GET1: variants seen among roughly 807,000 people sequenced by gnomAD.
GET1 encodes the protein congenital heart disease 5 protein.
Under a neutral mutation model 22.6 loss-of-function variants are expected in GET1, and 20 were observed. The ratio of observed to expected loss-of-function variants is 0.89; its 90% CI spans 0.62 to 1.29. The LOEUF (loss-of-function observed/expected upper bound fraction) is 1.29, where lower values mean the gene tolerates loss of function less well. GET1 is among the 50% of genes most tolerant of loss of function. GET1 has a pLI of 0.00. For synonymous variants in GET1, 92 were observed against 83.8 expected (o/e 1.10, Z -0.53); for missense variants, 209 against 219.9 (o/e 0.95, Z 0.31).
At chr21:39,423,629 G>A (rs1274518149) in intron 1 of GET1, 1 of 628,150 alleles carries the variant, frequency 1.6e-6, no homozygotes, top group Non-Finnish European at 2.5e-6. Context: ...ACTAGAAGGG[G>A]ACAAAACTAT....
chr21:39,418,055 C>CATGCCTGGCCAGAAATGGTTTTTTAATG (rs1569086130), intron 1 of GET1, among the ~76,000 whole-genome samples: 3 of 152,304 alleles, frequency 2.0e-5, no homozygotes, highest in East Asian at 3.9e-4. Context: ...CGTGAGCCAC[C>CATGCCTGGCCAGAAATGGTTTTTTAATG]GCGCCCAGCG....
chr21:39,426,214 G>T (rs1304685204), intron 1 of GET1, among the ~76,000 whole-genome samples: 1 of 152,066 alleles, frequency 6.6e-6, no homozygotes, highest in Non-Finnish European at 1.5e-5. Flanking sequence ...CTTCAGAAAG[G>T]TAAGTACACC....
intron 1 of GET1, chr21:39,387,959 GAAAC>G (rs1393801518): frequency 6.2e-6 from 4 of 644,198 alleles, no homozygotes; most frequent in Non-Finnish European, 7.7e-6. Flanking sequence ...TTAAAATTTC[GAAAC>G]AAACACAAAT....
chr21:39,389,026 A>T (rs1202236820), intron 1 of GET1, among the ~76,000 whole-genome samples: 1 of 152,000 alleles, frequency 6.6e-6, no homozygotes, highest in Non-Finnish European at 1.5e-5. Context: ...ACACCACAAG[A>T]TTCATTCTGC....
intron 1 of GET1, among the ~76,000 whole-genome samples, chr21:39,427,207 C>A (rs1228871821): frequency 6.6e-6 from 1 of 152,112 alleles, no homozygotes; most frequent in African/African-American, 2.4e-5. Flanking sequence ...TGGACAAGAG[C>A]CCCAGCTGTT....
Position 39,406,357 on chromosome 21 carries a change from T to C in GET1, c.*373T>C, listed in dbSNP as rs747789050. On this transcript the variant is annotated 3_prime_UTR_variant, in exon 5 of 5. Transcript: ENST00000415847. The stretch of plus-strand genomic sequence containing the variant: ...TCTTTGTCTGAGGGGGCCTTTCGTG[T>C]AGGGAGCAGTGCCTTTGCCAAGTGT... The C allele has an allele frequency of 5.6e-6, 9 of 1,614,082 alleles. No individual in the cohort carries two copies. In the South Asian group the frequency reaches 7.7e-5, roughly 14 times the overall value.
chr21:39,383,212 C>A (rs1169016402), intron 1 of GET1, among the ~76,000 whole-genome samples: 8 of 151,782 alleles, frequency 5.3e-5, no homozygotes, highest in Non-Finnish European at 7.4e-5. Context: ...CCTTGGCCTC[C>A]CAAAGTGCTG....
At chr21:39,392,985 A>G in intron 3 of GET1, 181 bp from the exon 4 acceptor site, 1 of 554,322 alleles carries the variant, frequency 1.8e-6, no homozygotes, top group Non-Finnish European at 3.2e-6. Flanking sequence ...TCAAGGTTTC[A>G]CCAAGGGACA....
At chr21:39,425,039 A>G (rs2074419425) in intron 1 of GET1, among the ~76,000 whole-genome samples, 1 of 152,252 alleles carries the variant, frequency 6.6e-6, no homozygotes, top group Admixed American at 6.5e-5. Context: ...TTTGTAGGAT[A>G]TAGAGGTATA....
chr21:39,380,935 G>GGGCC, intron 1 of GET1: 1 of 187,978 alleles, frequency 5.3e-6, no homozygotes, highest in Non-Finnish European at 9.8e-6. Flanking sequence ...GGTAGGGTGG[G>GGGCC]AGACAGGTGT....
intron 4 of GET1, among the ~76,000 whole-genome samples, chr21:39,395,038 TA>T (rs1251487567): frequency 1.2e-4 from 18 of 148,796 alleles, no homozygotes; most frequent in Non-Finnish European, 1.6e-4. Flanking sequence ...CCCAGCTAAT[TA>T]AAAAAAAAAG....
Position 39,393,235 on chromosome 21 carries a change from A to T in GET1, c.406A>T (p.Ile136Leu). The T allele has an allele frequency of 6.2e-7, 1 of 1,614,206 alleles. No homozygotes were observed. Among genetic ancestry groups the T allele is most frequent in the Non-Finnish European group, 8.5e-7 (1 of 1,180,036 alleles). The change falls in exon 4 of 5, where the codon ATA (isoleucine) becomes TTA (leucine). Residue 136 changes from isoleucine to leucine, a missense_variant. Coordinates refer to ENST00000649170, the MANE Select transcript of GET1 (RefSeq NM_004627.6). Reference sequence around the variant, plus strand: ...TGTGGCTGTCGTGCCGAGTAAATGGATAACCCCTCTAGACCGCCTGGTAGC... The same window carrying T: ...TGTGGCTGTCGTGCCGAGTAAATGGTTAACCCCTCTAGACCGCCTGGTAGC... ...VPVAVVPSKW[I>L]TPLDRLVAFP... is the part of the protein sequence containing the mutation.
chr21:39,422,978 G>T (rs1302645896), intron 1 of GET1: 1 of 1,613,142 alleles, frequency 6.2e-7, no homozygotes, highest in East Asian at 2.2e-5. Flanking sequence ...ATACAGACCT[G>T]TATTTTTTTG....
chr21:39,404,259 C>T (rs887861968), intron 4 of GET1, among the ~76,000 whole-genome samples: 3 of 152,110 alleles, frequency 2.0e-5, no homozygotes, highest in Non-Finnish European at 2.9e-5. Context: ...GCAGCTAGCT[C>T]GAATAAACAC....
At chr21:39,393,306 G>C in intron 4 of GET1, 26 bp downstream of exon 4, 1 of 1,564,086 alleles carries the variant, frequency 6.4e-7, no homozygotes, top group Non-Finnish European at 8.8e-7. Context: ...AAGATGCAGT[G>C]GAAGAGTGTG....
intron 1 of GET1, among the ~76,000 whole-genome samples, chr21:39,382,215 C>T (rs747936155): frequency 1.3e-5 from 2 of 151,572 alleles, no homozygotes; most frequent in Non-Finnish European, 2.9e-5. Flanking sequence ...CCACCATGCC[C>T]GGCTAATTTT....
chr21:39,387,043 A>G (rs1465226430), intron 1 of GET1, among the ~76,000 whole-genome samples: 1 of 152,108 alleles, frequency 6.6e-6, no homozygotes, highest in Non-Finnish European at 1.5e-5. Context: ...ATTTTTTGGT[A>G]GAGATTGGGT....
chr21:39,414,742 C>CTGTGTGTGTGTGTGTGTGTGTGTGTGTG (rs66478742), intron 1 of GET1, among the ~76,000 whole-genome samples: 2 of 99,178 alleles, frequency 2.0e-5, no homozygotes, highest in African/African-American at 8.8e-5. Flanking sequence ...CTCTCTCTCT[C>CTGTGTGTGTGTGTGTGTGTGTGTGTGTG]TGTGTGTGTG....
chr21:39,420,832 T>C (rs1193950420), intron 1 of GET1: 9 of 1,612,548 alleles, frequency 5.6e-6, no homozygotes, highest in Non-Finnish European at 7.6e-6. Context: ...ACCTCAGTTG[T>C]TTTTCCAAGC....
Sources: allele counts gnomAD v4.1 joint callset (sites outside exome capture counted in the v4.1 genomes callset), GRCh38; gene constraint gnomAD v4.1.1; transcripts MANE v1.5; gene names NCBI Gene and HGNC (gene_info 2026-07-23, HGNC 2026-07-21).